DPP6: variants seen among roughly 807,000 people sequenced by gnomAD.
The protein encoded by DPP6 is dipeptidyl peptidase like 6.
A neutral mutation model predicts 122.6 loss-of-function variants in DPP6; 69 were observed. That is an observed-to-expected ratio of 0.56 (90% CI 0.46 to 0.69). The LOEUF (loss-of-function observed/expected upper bound fraction) is 0.69. Among genes scored for constraint, DPP6 ranks in the 30% least tolerant of loss-of-function variants. The pLI is 0.00. For missense variants in DPP6, 928 were observed against 1,116.9 expected, an observed-to-expected ratio of 0.83 and a Z score of 2.41; for synonymous variants, 418 against 433.1, an observed-to-expected ratio of 0.97 and a Z score of 0.43.
intron 1 of DPP6, among the ~76,000 whole-genome samples, chr7:154,289,178 A>T (rs2150961979): frequency 6.6e-6 from 1 of 152,342 alleles, no homozygotes; most frequent in South Asian, 2.1e-4. Flanking sequence ...GGTAGATTTC[A>T]AATAGAATCG....
chr7:154,645,748 G>T (rs1270663488), intron 6 of DPP6, among the ~76,000 whole-genome samples: 1 of 152,086 alleles, frequency 6.6e-6, no homozygotes, highest in Non-Finnish European at 1.5e-5. Flanking sequence ...ACTGAGGGTT[G>T]CCAGGCGCGG....
intron 1 of DPP6, among the ~76,000 whole-genome samples, chr7:154,138,781 A>G (rs905764464): frequency 6.6e-6 from 1 of 151,818 alleles, no homozygotes; most frequent in African/African-American, 2.4e-5. Flanking sequence ...TTAAAGAAAT[A>G]TTAATTGGAC....
intron 1 of DPP6, among the ~76,000 whole-genome samples, chr7:154,153,985 G>A (rs1796557101): frequency 6.6e-6 from 1 of 152,188 alleles, no homozygotes; most frequent in Non-Finnish European, 1.5e-5. Context: ...TCAATTAGCA[G>A]CTGATGATTT....
At position 153,948,624 on chromosome 7, in the gene DPP6, T is replaced by TAA. The variant is rs1563038431; in HGVS notation, c.51+60891_51+60892insAA. Among the ~76,000 whole-genome samples, 6 of 151,132 alleles carry TAA rather than the reference T, an allele frequency of 4.0e-5. No homozygotes were observed. The East Asian group carries it at 5.9e-4, about 15-fold the overall frequency. ...ACCTTCCTCACTGTTTTTTTATTTT[T>TAA]ATTTTTTTTAGGATCAGATGAGATA... On this transcript the variant is annotated intron_variant, in intron 1 of 25. Transcript: ENST00000404039.
In DPP6 at chr7:154,739,648, G is replaced by A. The variant is rs552020449; in HGVS notation, c.883+11761G>A. Among the ~76,000 whole-genome samples the A allele has an allele frequency of 2.6e-4, 38 of 145,558 alleles. No homozygotes were observed. The South Asian group carries it at 4.2e-3, about 16-fold the overall frequency. ...ATCATTTCACACTTAAATGATAATC[G>A]CAAGGAGAGCCATCAGAACCATTAG... On this transcript the variant is annotated intron_variant, in intron 8 of 25. Transcript: ENST00000377770.
At chr7:154,039,378 A>C (rs1189622756) in intron 1 of DPP6, among the ~76,000 whole-genome samples, 2 of 133,070 alleles carry the variant, frequency 1.5e-5, no homozygotes, top group African/African-American at 6.4e-5. Context: ...CCTGTTCTCC[A>C]AGAAGACAGG....
chr7:154,170,821 T>A (rs1369898420), intron 1 of DPP6, among the ~76,000 whole-genome samples: 3 of 152,164 alleles, frequency 2.0e-5, no homozygotes, highest in African/African-American at 7.2e-5. Flanking sequence ...TCCATAAGGT[T>A]GATATTTTTT....
At chr7:154,248,878 A>T (rs563593119) in intron 1 of DPP6, among the ~76,000 whole-genome samples, 1 of 152,150 alleles carries the variant, frequency 6.6e-6, no homozygotes, top group East Asian at 1.9e-4. Flanking sequence ...GAAAAAAAAA[A>T]AAGAAAAGGC....
intron 5 of DPP6, among the ~76,000 whole-genome samples, chr7:154,594,335 T>C (rs1832967381): frequency 6.6e-6 from 1 of 152,206 alleles, no homozygotes; most frequent in African/African-American, 2.4e-5. Flanking sequence ...GGGGTCTATA[T>C]TCCTTGTTAG....
At chr7:154,389,277 C>T (rs1182978316) in intron 1 of DPP6, among the ~76,000 whole-genome samples, 1 of 152,162 alleles carries the variant, frequency 6.6e-6, no homozygotes, top group Non-Finnish European at 1.5e-5. Flanking sequence ...AGGAACCTCA[C>T]ACAATGATAA....
Position 154,367,391 on chromosome 7 carries a change from T to A in DPP6, c.244-78823T>A, listed in dbSNP as rs184847983. ...AGTTTACCAAATTTGAACTTTTTTT[T>A]AAATTTTATTTTTTCTAGTCTGGCT... On this transcript the variant is annotated intron_variant, in intron 1 of 25. Coordinates refer to ENST00000377770, the MANE Select transcript of DPP6 (RefSeq NM_130797.4). 5.2e-3 allele frequency among the ~76,000 whole-genome samples: 789 copies of A among 152,370 alleles called. 2 individuals are homozygous for A. The highest frequency in any genetic ancestry group is 7.6e-3 in the Non-Finnish European group (516 of 68,042).
At chr7:154,582,773 A>G (rs1005762590) in intron 5 of DPP6, among the ~76,000 whole-genome samples, 2 of 152,220 alleles carry the variant, frequency 1.3e-5, no homozygotes, top group Non-Finnish European at 2.9e-5. Flanking sequence ...AGAAAGAAGC[A>G]GCTGCACTCA....
chr7:153,883,988 T>C (rs1798825338), upstream of DPP6, among the ~76,000 whole-genome samples: 1 of 152,132 alleles, frequency 6.6e-6, no homozygotes, highest in African/African-American at 2.4e-5. Context: ...TATTTGTTTC[T>C]TTTTTTGGGG....
chr7:154,561,091 C>T (rs1477429414), intron 4 of DPP6, among the ~76,000 whole-genome samples: 1 of 152,108 alleles, frequency 6.6e-6, no homozygotes, highest in Non-Finnish European at 1.5e-5. Context: ...TAGCATTGAG[C>T]TACAATATTT....
intron 16 of DPP6, among the ~76,000 whole-genome samples, chr7:154,850,498 G>A (rs934175384): frequency 4.6e-5 from 7 of 152,236 alleles, no homozygotes; most frequent in African/African-American, 1.2e-4. Flanking sequence ...ACTCCCTCAC[G>A]TTCCATTTTT....
In DPP6 at chr7:154,666,196, T is replaced by TACACAC. The variant is rs59027201; in HGVS notation, c.681-3163_681-3162insCACACA. Among the ~76,000 whole-genome samples, 1,896 of 86,520 alleles carry TACACAC rather than the reference T, an allele frequency of 0.022. 80 individuals are homozygous for TACACAC. The East Asian group carries it at 0.24, about 11-fold the overall frequency. 56.8% of individuals were successfully genotyped at this position (86,520 alleles called of 152,430 possible). A position where few individuals can be genotyped will look rare whatever the true frequency, so the allele number is the denominator to read the frequency against. ...ACATATATGTGTGTATATATATATATATATACACATATACATACATACATA... is the reference window on the plus strand; with the variant it reads ...ACATATATGTGTGTATATATATATATACACACATATACACATATACATACATACATA... On this transcript the variant is annotated intron_variant, in intron 6 of 25. Transcript: ENST00000377770.
At chr7:154,123,061 C>T (rs886548405) in intron 1 of DPP6, among the ~76,000 whole-genome samples, 1 of 152,122 alleles carries the variant, frequency 6.6e-6, no homozygotes, top group Non-Finnish European at 1.5e-5. Context: ...GGGTCGGACA[C>T]CTGGACTGGC....
intron 1 of DPP6, among the ~76,000 whole-genome samples, chr7:154,090,916 C>A (rs534338789): frequency 1.1e-4 from 16 of 148,830 alleles, no homozygotes; most frequent in African/African-American, 1.7e-4. Flanking sequence ...GTCAGGAGAT[C>A]GAGACCATCC....
intron 6 of DPP6, among the ~76,000 whole-genome samples, chr7:154,646,627 G>A (rs185120860): frequency 4.5e-4 from 68 of 152,280 alleles, no homozygotes; most frequent in Admixed American, 3.1e-3. Flanking sequence ...TTTTTCTAAA[G>A]GGGATATTTA....
Sources: allele counts gnomAD v4.1 joint callset (sites outside exome capture counted in the v4.1 genomes callset), GRCh38; gene constraint gnomAD v4.1.1; transcripts MANE v1.5; gene names NCBI Gene and HGNC (gene_info 2026-07-23, HGNC 2026-07-21).